The following ABHD2 variants were observed in gnomAD, a reference collection of about 807,000 sequenced individuals.
The protein encoded by ABHD2 is monoacylglycerol lipase ABHD2.
Under a neutral mutation model 48.1 loss-of-function variants are expected in ABHD2, and 20 were observed. The ratio of observed to expected loss-of-function variants is 0.42; its 90% CI spans 0.29 to 0.60. The LOEUF (loss-of-function observed/expected upper bound fraction) is 0.60, where lower values mean the gene tolerates loss of function less well. Among genes scored for constraint, ABHD2 ranks in the 20% least tolerant of loss-of-function variants. The pLI, the probability that ABHD2 is intolerant of heterozygous loss-of-function variation, is 0.24. For synonymous variants in ABHD2, 209 were observed against 214.2 expected (o/e 0.98, Z 0.21); for missense variants, 405 against 550.9 (o/e 0.74, Z 2.65).
chr15:89,144,598 C>G (rs971881540), intron 3 of ABHD2, among the ~76,000 whole-genome samples: 7 of 152,164 alleles, frequency 4.6e-5, no homozygotes, highest in African/African-American at 1.7e-4. Flanking sequence ...CAAAAGGTCA[C>G]ATGTTGATAA....
the ABHD2 span, among the ~76,000 whole-genome samples, chr15:89,059,607 G>A: frequency 6.6e-6 from 1 of 152,272 alleles, no homozygotes; most frequent in African/African-American, 2.4e-5. Flanking sequence ...ATAGGGATGG[G>A]CTTGAGAAGT....
intron 6 of ABHD2, chr15:89,183,384 A>AATATATAT (rs1555433648): frequency 0.02 from 929 of 46,100 alleles, 24 homozygotes; most frequent in Non-Finnish European, 0.023. Context: ...AAAAAAAAAA[A>AATATATAT]ATATATATAT....
chr15:89,179,051 TACAAAGCC>T lies in ABHD2; in HGVS notation c.722+3064_722+3071del, dbSNP rs2051064222. On this transcript the variant is annotated intron_variant, in intron 6 of 10. Coordinates refer to ENST00000352732, the MANE Select transcript of ABHD2 (RefSeq NM_152924.5). The surrounding 1 kb of genome is among the most constrained non-coding windows in gnomAD (Gnocchi z 4.3). ...GCACTTAAGACAGCAGAGTGATATTTACAAAGCCACAAAGCAACAAATACATGTTACTA... is the reference window on the plus strand; with the variant it reads ...GCACTTAAGACAGCAGAGTGATATTTACAAAGCAACAAATACATGTTACTA... Among the ~76,000 whole-genome samples the T allele has an allele frequency of 6.6e-6, 1 of 152,354 alleles. No homozygotes were observed. The highest frequency in any genetic ancestry group is 1.9e-4 in the East Asian group (1 of 5,188).
chr15:89,046,300 A>G, the ABHD2 span, among the ~76,000 whole-genome samples: 17 of 152,338 alleles, frequency 1.1e-4, no homozygotes, highest in East Asian at 3.1e-3. Flanking sequence ...TTGGTTTGCC[A>G]GTATTTTACT....
chr15:89,045,279 C>A, the ABHD2 span, among the ~76,000 whole-genome samples: 1 of 151,874 alleles, frequency 6.6e-6, no homozygotes, highest in Non-Finnish European at 1.5e-5. Flanking sequence ...TGTTTTGGTA[C>A]CAGTACCATG....
chr15:89,041,714 C>A, the ABHD2 span, among the ~76,000 whole-genome samples: 1 of 152,226 alleles, frequency 6.6e-6, no homozygotes, highest in Admixed American at 6.5e-5. Context: ...TATTCCCCTG[C>A]TGGGGAAAGC....
chr15:89,135,253 A>G (rs1006714977), intron 3 of ABHD2, among the ~76,000 whole-genome samples: 6 of 150,842 alleles, frequency 4.0e-5, no homozygotes, highest in African/African-American at 7.3e-5. Flanking sequence ...ATCCCCATAT[A>G]TAACTAATTT....
chr15:89,143,207 T>C (rs1161314455), intron 3 of ABHD2, among the ~76,000 whole-genome samples: 7 of 152,202 alleles, frequency 4.6e-5, no homozygotes, highest in Admixed American at 4.6e-4. Context: ...GTCTAAATGT[T>C]TTTATGAAAA....
chr15:89,117,455 T>C (rs946481209), intron 3 of ABHD2, among the ~76,000 whole-genome samples: 1 of 152,250 alleles, frequency 6.6e-6, no homozygotes, highest in African/African-American at 2.4e-5. Context: ...GTTCACTTTT[T>C]CTCTATAGAT....
chr15:89,143,701 A>G (rs2050445351), intron 3 of ABHD2, among the ~76,000 whole-genome samples: 2 of 148,172 alleles, frequency 1.3e-5, no homozygotes, highest in Admixed American at 6.8e-5. Flanking sequence ...AAAAAAAAAA[A>G]TGTGATTAAT....
At chr15:89,049,483 C>T in the ABHD2 span, among the ~76,000 whole-genome samples, 1 of 152,252 alleles carries the variant, frequency 6.6e-6, no homozygotes, top group Non-Finnish European at 1.5e-5. Flanking sequence ...CGCCCCTCCC[C>T]CAGCCTCGCT....
upstream of ABHD2, among the ~76,000 whole-genome samples, chr15:89,083,133 G>A (rs938616365): frequency 6.6e-6 from 1 of 152,186 alleles, no homozygotes; most frequent in Non-Finnish European, 1.5e-5. The surrounding 1 kb of genome is among the most constrained non-coding windows in gnomAD (Gnocchi z 5.1). Context: ...GGGATTACAG[G>A]TGTGAGCCAC....
intron 3 of ABHD2, among the ~76,000 whole-genome samples, chr15:89,145,336 A>C (rs2150875207): frequency 6.6e-6 from 1 of 152,368 alleles, no homozygotes; most frequent in South Asian, 2.1e-4. Flanking sequence ...GGATGCATGG[A>C]GAGAAGAAAA....
At chr15:89,117,430 T>G (rs1347864042) in intron 3 of ABHD2, among the ~76,000 whole-genome samples, 1 of 152,224 alleles carries the variant, frequency 6.6e-6, no homozygotes, top group Non-Finnish European at 1.5e-5. Flanking sequence ...ACATACTGTT[T>G]TCAAGAGATG....
intron 8 of ABHD2, among the ~76,000 whole-genome samples, chr15:89,190,762 C>T (rs1175985388): frequency 6.6e-6 from 1 of 152,170 alleles, no homozygotes; most frequent in Admixed American, 6.5e-5. Flanking sequence ...GAAGCTGAGG[C>T]TCAGATAAGT....
chr15:89,095,498 G>T (rs1274809113), intron 1 of ABHD2, among the ~76,000 whole-genome samples: 1 of 152,160 alleles, frequency 6.6e-6, no homozygotes, highest in African/African-American at 2.4e-5. Flanking sequence ...TAGTTCTTAA[G>T]GACTGAGGAG....
chr15:89,109,168 G>GTTTT (rs1297409361), intron 1 of ABHD2, among the ~76,000 whole-genome samples: 6 of 152,298 alleles, frequency 3.9e-5, no homozygotes, highest in African/African-American at 1.2e-4. Context: ...AGCCAGGGGA[G>GTTTT]AGCAGAAAGA....
chr15:89,076,361 A>G, the ABHD2 span, among the ~76,000 whole-genome samples: 345 of 152,338 alleles, frequency 2.3e-3, 1 homozygote, highest in East Asian at 0.021. Flanking sequence ...TCTTTCATCC[A>G]TCAGTATGTC....
chr15:89,056,236 C>G, the ABHD2 span, among the ~76,000 whole-genome samples: 2 of 151,994 alleles, frequency 1.3e-5, no homozygotes, highest in African/African-American at 4.8e-5. Flanking sequence ...TCGTATCTTC[C>G]TAGGGAAAAT....
Sources: gnomAD v4.1 joint callset for allele counts (sites outside exome capture counted in the v4.1 genomes callset) on GRCh38, gnomAD v4.1.1 for gene constraint, Gnocchi (gnomAD v3.1) non-coding constraint, MANE v1.5 for transcripts, NCBI Gene and HGNC (gene_info 2026-07-23, HGNC 2026-07-21) for gene names.